MARCHF1: variants seen among roughly 807,000 people sequenced by gnomAD.
The protein encoded by MARCHF1 is E3 ubiquitin-protein ligase MARCHF1.
In MARCHF1, 40 loss-of-function variants were observed where a neutral mutation model predicts 54.2. That is an observed-to-expected ratio of 0.74 (90% CI 0.57 to 0.96). The LOEUF (loss-of-function observed/expected upper bound fraction) is 0.96, where lower values mean the gene tolerates loss of function less well. MARCHF1 is among the 40% of genes least tolerant of loss of function. The probability of loss-of-function intolerance (pLI) is 0.00; values close to 1 mark genes in which losing one functional copy is unlikely to be tolerated. For synonymous variants in MARCHF1, 236 were observed against 236.3 expected, an observed-to-expected ratio of 1.00 and a Z score of 0.01; for missense variants, 586 against 656.5, an observed-to-expected ratio of 0.89 and a Z score of 1.17.
chr4:164,209,033 T>A (rs1209186294), intron 1 of MARCHF1, among the ~76,000 whole-genome samples: 2 of 149,910 alleles, frequency 1.3e-5, no homozygotes, highest in East Asian at 1.9e-4. Flanking sequence ...ATTATATATA[T>A]TATATATAAA....
intron 1 of MARCHF1, among the ~76,000 whole-genome samples, chr4:164,307,805 G>A (rs1357828899): frequency 6.6e-6 from 1 of 152,162 alleles, no homozygotes; most frequent in African/African-American, 2.4e-5. Context: ...AATATATAAT[G>A]CAAGTTGTAC....
intron 4 of MARCHF1, among the ~76,000 whole-genome samples, chr4:163,805,506 C>G (rs995405302): frequency 6.6e-6 from 1 of 152,132 alleles, no homozygotes; most frequent in Non-Finnish European, 1.5e-5. Flanking sequence ...TTTTGAGCCC[C>G]AAACATTAAA....
chr4:163,810,649 CATT>C (rs971472578), intron 4 of MARCHF1, among the ~76,000 whole-genome samples: 6 of 152,230 alleles, frequency 3.9e-5, no homozygotes, highest in South Asian at 2.1e-4. Context: ...TAAAAACAAT[CATT>C]GAGAGTGCTG....
chr4:163,563,450 T>C (rs1043163184), intron 8 of MARCHF1, among the ~76,000 whole-genome samples: 3 of 152,218 alleles, frequency 2.0e-5, no homozygotes, highest in African/African-American at 7.2e-5. Context: ...CTGGGAAACA[T>C]CTAGTCACCA....
intron 4 of MARCHF1, among the ~76,000 whole-genome samples, chr4:163,716,684 C>T (rs931673223): frequency 7.9e-5 from 12 of 152,160 alleles, no homozygotes; most frequent in African/African-American, 2.7e-4. Flanking sequence ...GCCAAAATCA[C>T]CAGTGGGCAG....
intron 4 of MARCHF1, among the ~76,000 whole-genome samples, chr4:163,823,989 C>A (rs955829742): frequency 6.6e-6 from 1 of 151,652 alleles, no homozygotes; most frequent in African/African-American, 2.4e-5. Context: ...ATATATCATT[C>A]AAGTTTTTAA....
chr4:164,175,177 T>A (rs1308297794), intron 1 of MARCHF1, among the ~76,000 whole-genome samples: 1 of 152,218 alleles, frequency 6.6e-6, no homozygotes, highest in African/African-American at 2.4e-5. Context: ...AAATAACAAA[T>A]GTGGATTACT....
chr4:163,603,522 A>C (rs1407060328), intron 7 of MARCHF1, among the ~76,000 whole-genome samples: 2 of 152,138 alleles, frequency 1.3e-5, no homozygotes, highest in Non-Finnish European at 2.9e-5. Flanking sequence ...TAGCAAAAAC[A>C]TACAGGATGT....
intron 8 of MARCHF1, among the ~76,000 whole-genome samples, chr4:163,576,969 C>A (rs908994248): frequency 6.6e-6 from 1 of 151,902 alleles, no homozygotes; most frequent in Non-Finnish European, 1.5e-5. Flanking sequence ...AGATGGGTCT[C>A]TTGAAGAAAG....
intron 1 of MARCHF1, among the ~76,000 whole-genome samples, chr4:164,359,196 C>A (rs1730652279): frequency 6.6e-6 from 1 of 152,090 alleles, no homozygotes; most frequent in Non-Finnish European, 1.5e-5. Context: ...TTTAAGCACT[C>A]TATTAACTCC....
At chr4:163,955,759 A>G (rs886485746) in intron 3 of MARCHF1, among the ~76,000 whole-genome samples, 2 of 152,164 alleles carry the variant, frequency 1.3e-5, no homozygotes, top group Admixed American at 1.3e-4. Context: ...AGCATATTCC[A>G]GTCATGTCCA....
At chr4:163,849,615 T>C (rs182513480) in intron 4 of MARCHF1, among the ~76,000 whole-genome samples, 15 of 152,278 alleles carry the variant, frequency 9.9e-5, no homozygotes, top group Admixed American at 9.8e-4. Context: ...TGTCACTGGT[T>C]TCCAGCCAAA....
At chr4:164,305,751 GAGA>G (rs1214305756) in intron 1 of MARCHF1, among the ~76,000 whole-genome samples, 2 of 152,230 alleles carry the variant, frequency 1.3e-5, no homozygotes, top group East Asian at 1.9e-4. Context: ...AAAGCTAGAA[GAGA>G]AGATTTTGAA....
chr4:163,960,627 G>A (rs1752327087), intron 3 of MARCHF1, among the ~76,000 whole-genome samples: 1 of 151,874 alleles, frequency 6.6e-6, no homozygotes, highest in Non-Finnish European at 1.5e-5. Context: ...ACACAAAGAA[G>A]GGAACAACAG....
At chr4:163,722,724 C>T (rs779565901) in intron 4 of MARCHF1, among the ~76,000 whole-genome samples, 173 of 152,138 alleles carry the variant, frequency 1.1e-3, no homozygotes, top group Non-Finnish European at 2.1e-3. Flanking sequence ...GTATTGGGTG[C>T]ATATATATTT....
At position 164,333,175 on chromosome 4, in the gene MARCHF1, T is replaced by C. The variant is rs530132301; in HGVS notation, c.-323+50695A>G. Among the ~76,000 whole-genome samples, 36 of 152,254 alleles carry C rather than the reference T, an allele frequency of 2.4e-4. 1 individual carries two copies. In the South Asian group the frequency reaches 6.0e-3, roughly 25 times the overall value. On this transcript the variant is annotated intron_variant, in intron 1 of 9. Transcript: ENST00000514618. Reference sequence around the variant, plus strand: ...AATTCATTTCATTGTCCTCTCCACATGTGTTTCAGACTTTACATAATAAAG... The same window carrying C: ...AATTCATTTCATTGTCCTCTCCACACGTGTTTCAGACTTTACATAATAAAG...
intron 8 of MARCHF1, among the ~76,000 whole-genome samples, chr4:163,561,820 A>G (rs931332058): frequency 1.3e-5 from 2 of 151,758 alleles, no homozygotes; most frequent in African/African-American, 4.8e-5. Context: ...ATGTTTCAGA[A>G]CTCTTTTATG....
At chr4:163,790,751 T>C (rs1051177188) in intron 4 of MARCHF1, among the ~76,000 whole-genome samples, 1 of 152,048 alleles carries the variant, frequency 6.6e-6, no homozygotes, top group Non-Finnish European at 1.5e-5. Context: ...AGTGTCTTCT[T>C]AGGCATAAGT....
intron 3 of MARCHF1, among the ~76,000 whole-genome samples, chr4:163,894,885 C>CAT (rs370644807): frequency 2.1e-4 from 3 of 14,338 alleles, no homozygotes; most frequent in African/African-American, 5.1e-4. Flanking sequence ...GCATGTGATG[C>CAT]ATATATATAT....
Sources: allele counts gnomAD v4.1 joint callset (sites outside exome capture counted in the v4.1 genomes callset), GRCh38; gene constraint gnomAD v4.1.1; transcripts MANE v1.5; gene names NCBI Gene and HGNC (gene_info 2026-07-23, HGNC 2026-07-21).